Variants in PLAC1 observed in about 807,000 individuals in gnomAD.
PLAC1 encodes placenta associated 1.
For missense variants in PLAC1, 136 were observed against 163.2 expected (o/e 0.83, Z 0.91); for synonymous variants, 68 against 62.1 (o/e 1.09, Z -0.44).
intron 1 of PLAC1, among the ~76,000 whole-genome samples, chrX:134,645,859 T>G (rs1319332586): frequency 9.0e-6 from 1 of 111,519 alleles, no homozygotes; most frequent in Non-Finnish European, 1.9e-5. Context: ...CCAAGAAATT[T>G]CCCCTAGTCC....
chrX:134,618,718 A>G (rs2078197046), intron 1 of PLAC1, among the ~76,000 whole-genome samples: 1 of 111,750 alleles, frequency 8.9e-6, no homozygotes, highest in African/African-American at 3.3e-5. Flanking sequence ...GCCCAGCCTC[A>G]TCATCTCACT....
intron 2 of PLAC1, among the ~76,000 whole-genome samples, chrX:134,596,863 C>T (rs1005876441): frequency 9.0e-6 from 1 of 110,714 alleles, no homozygotes; most frequent in East Asian, 2.9e-4. Flanking sequence ...CCCAAAACTG[C>T]TGGGATTATA....
chrX:134,679,823 T>C (rs1301848403), intron 2 of PLAC1, among the ~76,000 whole-genome samples: 1 of 112,240 alleles, frequency 8.9e-6, no homozygotes, highest in African/African-American at 3.2e-5. Flanking sequence ...CACTAGTTTA[T>C]TGTGTGACCT....
chrX:134,717,642 G>A (rs2078647142), intron 2 of PLAC1, among the ~76,000 whole-genome samples: 1 of 112,046 alleles, frequency 8.9e-6, no homozygotes, highest in Non-Finnish European at 1.9e-5. Flanking sequence ...CCAGAGTGAG[G>A]CCTGTCTCCT....
At chrX:134,633,484 C>T (rs1010785925) in intron 1 of PLAC1, among the ~76,000 whole-genome samples, 3 of 111,325 alleles carry the variant, frequency 2.7e-5, no homozygotes, top group African/African-American at 9.8e-5. Flanking sequence ...TTGTTTTTGG[C>T]TTTATTATTT....
intron 2 of PLAC1, among the ~76,000 whole-genome samples, chrX:134,590,535 A>G (rs1893726097): frequency 8.9e-6 from 1 of 112,537 alleles, no homozygotes; most frequent in African/African-American, 3.2e-5. Flanking sequence ...TACAAGGGTT[A>G]TATGCAAGTG....
chrX:134,668,023 T>C (rs1403187222), intron 2 of PLAC1, among the ~76,000 whole-genome samples: 2 of 111,511 alleles, frequency 1.8e-5, no homozygotes, highest in African/African-American at 6.5e-5. Flanking sequence ...TAGATCCACA[T>C]AAACACTTGT....
intron 2 of PLAC1, among the ~76,000 whole-genome samples, chrX:134,706,418 C>G (rs1463993908): frequency 8.9e-6 from 1 of 112,138 alleles, no homozygotes. Context: ...GAGGTGGTGC[C>G]TCCTCTTCCA....
At chrX:134,731,763 ACT>A (rs1025350665) in intron 2 of PLAC1, among the ~76,000 whole-genome samples, 1 of 111,355 alleles carries the variant, frequency 9.0e-6, no homozygotes, top group Non-Finnish European at 1.9e-5. Flanking sequence ...TTCTGATAAG[ACT>A]CAGTCCAAAA....
intron 1 of PLAC1, among the ~76,000 whole-genome samples, chrX:134,628,718 T>C (rs1204800268): frequency 8.9e-6 from 1 of 112,376 alleles, no homozygotes; most frequent in Non-Finnish European, 1.9e-5. Flanking sequence ...TATATTCCAT[T>C]TTGATTCTGC....
chrX:134,619,263 AAC>A (rs2124406036), intron 1 of PLAC1, among the ~76,000 whole-genome samples: 1 of 112,438 alleles, frequency 8.9e-6, no homozygotes, highest in East Asian at 2.8e-4. Context: ...TAAAAGCAAA[AAC>A]ACAATTCTGC....
chrX:134,702,678 A>G (rs1363829762), intron 2 of PLAC1, among the ~76,000 whole-genome samples: 1 of 111,840 alleles, frequency 8.9e-6, no homozygotes. Context: ...GATCATTTGT[A>G]TCCCAAACCT....
intron 2 of PLAC1, among the ~76,000 whole-genome samples, chrX:134,591,376 G>C (rs1186863637): frequency 8.9e-6 from 1 of 112,622 alleles, no homozygotes; most frequent in Non-Finnish European, 1.9e-5. Context: ...TTGCCAATTT[G>C]TCTTTTGAAT....
intron 2 of PLAC1, among the ~76,000 whole-genome samples, chrX:134,665,071 AGTGTGTGTGTGT>A (rs59815179): frequency 9.6e-6 from 1 of 103,851 alleles, no homozygotes; most frequent in African/African-American, 3.5e-5. Flanking sequence ...GTGATTTTGG[AGTGTGTGTGTGT>A]GTGTGTGTGT....
intron 1 of PLAC1, among the ~76,000 whole-genome samples, chrX:134,628,337 T>C (rs2078245518): frequency 8.9e-6 from 1 of 112,064 alleles, no homozygotes; most frequent in Non-Finnish European, 1.9e-5. Context: ...TCTCTTGTAC[T>C]CCAGAATCTG....
intron 1 of PLAC1, among the ~76,000 whole-genome samples, chrX:134,603,935 G>A (rs1199462453): frequency 4.4e-5 from 5 of 112,407 alleles, no homozygotes; most frequent in African/African-American, 9.7e-5. Flanking sequence ...TTTTAAAGCC[G>A]TAAGAGACTA....
chrX:134,640,766 C>T (rs1270943382), intron 1 of PLAC1, among the ~76,000 whole-genome samples: 2 of 112,138 alleles, frequency 1.8e-5, no homozygotes, highest in Non-Finnish European at 3.8e-5. Context: ...TCCCTAGAGC[C>T]CAGCACAGTG....
At chrX:134,763,969 C>A (rs2078777655) in intron 1 of PLAC1, among the ~76,000 whole-genome samples, 1 of 111,945 alleles carries the variant, frequency 8.9e-6, no homozygotes, top group African/African-American at 3.2e-5. Context: ...CTTCTTCATA[C>A]AGACTGTTCC....
intron 1 of PLAC1, among the ~76,000 whole-genome samples, chrX:134,750,614 C>A (rs1432779774): frequency 1.9e-5 from 2 of 103,001 alleles, no homozygotes; most frequent in Non-Finnish European, 3.9e-5. Flanking sequence ...CCTTATAGAC[C>A]TCTGCTGTCC....
Sources: allele counts gnomAD v4.1 joint callset (sites outside exome capture counted in the v4.1 genomes callset), GRCh38; gene constraint gnomAD v4.1.1; transcripts MANE v1.5; gene names NCBI Gene and HGNC (gene_info 2026-07-23, HGNC 2026-07-21).